ARHGEF7: variants seen among roughly 807,000 people sequenced by gnomAD.
The protein encoded by ARHGEF7 is PAK-interacting exchange factor beta.
Under a neutral mutation model 109.8 loss-of-function variants are expected in ARHGEF7, and 33 were observed. That is an observed-to-expected ratio of 0.30 (90% CI 0.23 to 0.40). ARHGEF7 has a LOEUF of 0.40. Ranked by LOEUF, ARHGEF7 falls within the 10% of genes least tolerant of loss-of-function variation. The probability of loss-of-function intolerance (pLI) is 1.00; values close to 1 mark genes in which losing one functional copy is unlikely to be tolerated. For missense variants in ARHGEF7, 938 were observed against 1,098.5 expected, an observed-to-expected ratio of 0.85 and a Z score of 2.07; for synonymous variants, 458 against 424.6, an observed-to-expected ratio of 1.08 and a Z score of -0.97.
intron 1 of ARHGEF7, among the ~76,000 whole-genome samples, chr13:111,121,824 G>A (rs896819610): frequency 6.6e-6 from 1 of 152,144 alleles, no homozygotes; most frequent in South Asian, 2.1e-4. Flanking sequence ...CTAACCTCTC[G>A]GAGTCCTAGT....
chr13:111,281,890 A>G (rs1483067598), intron 15 of ARHGEF7, among the ~76,000 whole-genome samples: 1 of 152,158 alleles, frequency 6.6e-6, no homozygotes, highest in Non-Finnish European at 1.5e-5. Context: ...CTTGTGTGGG[A>G]TGATGTATTC....
chr13:111,230,093 C>T (rs2085831327), intron 5 of ARHGEF7, among the ~76,000 whole-genome samples: 1 of 152,132 alleles, frequency 6.6e-6, no homozygotes, highest in African/African-American at 2.4e-5. Flanking sequence ...TTCCTCTTTG[C>T]TTTTGGCATG....
chr13:111,199,225 A>C (rs2080929800), intron 2 of ARHGEF7, among the ~76,000 whole-genome samples: 1 of 152,216 alleles, frequency 6.6e-6, no homozygotes, highest in Non-Finnish European at 1.5e-5. Flanking sequence ...GGGGGAGTGA[A>C]TGAAAGCAGC....
intron 5 of ARHGEF7, among the ~76,000 whole-genome samples, chr13:111,223,548 TG>T (rs1028163936): frequency 7.2e-5 from 11 of 152,354 alleles, no homozygotes; most frequent in African/African-American, 2.4e-4. Context: ...CCTGCTTCCC[TG>T]GGGAAGTGTA....
intron 2 of ARHGEF7, chr13:111,185,372 C>T (rs79925572): frequency 0.1 from 15,906 of 152,346 alleles, 1,135 homozygotes; most frequent in Middle Eastern, 0.16. Context: ...TTAGACTGCT[C>T]ATAGCCTTTC....
At chr13:111,215,934 G>T (rs2083077669) in intron 4 of ARHGEF7, among the ~76,000 whole-genome samples, 1 of 152,076 alleles carries the variant, frequency 6.6e-6, no homozygotes, top group South Asian at 2.1e-4. Context: ...TTTTGGAGAA[G>T]CACATTTTTA....
At chr13:111,199,196 G>T (rs2080924111) in intron 2 of ARHGEF7, among the ~76,000 whole-genome samples, 1 of 152,202 alleles carries the variant, frequency 6.6e-6, no homozygotes, top group Non-Finnish European at 1.5e-5. Context: ...GCTGGATGTA[G>T]ACTCCTCCTC....
At chr13:111,171,204 C>T (rs1361766535) in intron 2 of ARHGEF7, among the ~76,000 whole-genome samples, 1 of 152,156 alleles carries the variant, frequency 6.6e-6, no homozygotes, top group Non-Finnish European at 1.5e-5. Context: ...GAGGAAGGTA[C>T]GGTTTTTTCC....
At chr13:111,235,882 G>A (rs2086738221) in intron 6 of ARHGEF7, among the ~76,000 whole-genome samples, 1 of 152,208 alleles carries the variant, frequency 6.6e-6, no homozygotes, top group Non-Finnish European at 1.5e-5. Context: ...TTACTAAAGG[G>A]TAAGACTGGT....
rs1349921085 is a variant in ARHGEF7 at position 111,304,452 on chromosome 13, C to T, written c.*1339C>T. ...AAGTGAGATACACTTTTCCGTAGAACAAGTGTTCTATCTTTAAAAACCCAA... is the reference window on the plus strand; with the variant it reads ...AAGTGAGATACACTTTTCCGTAGAATAAGTGTTCTATCTTTAAAAACCCAA... On this transcript the variant is annotated 3_prime_UTR_variant, in exon 22 of 22. Transcript: ENST00000646102. 1 of 151,606 alleles carries T rather than the reference C, an allele frequency of 6.6e-6. No individual in the cohort carries two copies. The highest frequency in any genetic ancestry group is 2.0e-4 in the East Asian group (1 of 5,100). The allele number at this position is 151,606 out of a possible 1,614,324, so 9.4% of individuals were successfully genotyped here.
At chr13:111,276,101 A>C (rs1458739910) in intron 12 of ARHGEF7, 3 of 196,636 alleles carry the variant, frequency 1.5e-5, no homozygotes, top group African/African-American at 2.3e-5. Flanking sequence ...GCTAGCTGAC[A>C]TATGCTTACA....
intron 4 of ARHGEF7, among the ~76,000 whole-genome samples, chr13:111,217,156 G>C (rs1484705053): frequency 1.3e-5 from 2 of 152,132 alleles, no homozygotes; most frequent in East Asian, 3.8e-4. Context: ...TGTATAGCTG[G>C]TTTACAGGTA....
intron 2 of ARHGEF7, among the ~76,000 whole-genome samples, chr13:111,158,458 A>C (rs1037044124): frequency 6.6e-6 from 1 of 152,232 alleles, no homozygotes; most frequent in Non-Finnish European, 1.5e-5. Context: ...TATATTAATA[A>C]TTGATCTTTC....
At chr13:111,294,276 T>C (rs2093372347) in intron 19 of ARHGEF7, 2 of 985,370 alleles carry the variant, frequency 2.0e-6, no homozygotes, top group South Asian at 4.7e-5. Flanking sequence ...GGGAGCACTT[T>C]TTTGTTTGCC....
chr13:111,185,376 G>T (rs2079148483), intron 2 of ARHGEF7, among the ~76,000 whole-genome samples: 1 of 152,184 alleles, frequency 6.6e-6, no homozygotes, highest in African/African-American at 2.4e-5. Flanking sequence ...ACTGCTCATA[G>T]CCTTTCCCTT....
Position 111,272,770 on chromosome 13 carries a change from G to T in ARHGEF7, c.1074-1044G>T, listed in dbSNP as rs2092254213. On this transcript the variant is annotated intron_variant, in intron 9 of 21. Coordinates refer to ENST00000646102, the MANE Select transcript of ARHGEF7 (RefSeq NM_001354046.2). The surrounding 1 kb of genome is among the most constrained non-coding windows in gnomAD (Gnocchi z 5.2). ...TGGGCTGTACACTGTCAGATGTGTG[G>T]ACTGATGGCACATGCAATTTGAGGG... Among the ~76,000 whole-genome samples, 1 of 152,142 alleles carries T rather than the reference G, an allele frequency of 6.6e-6. No homozygotes were observed. Among genetic ancestry groups the T allele is most frequent in the Admixed American group, 6.5e-5 (1 of 15,280 alleles).
At chr13:111,116,868 T>G (rs2066825609) in intron 1 of ARHGEF7, among the ~76,000 whole-genome samples, 1 of 152,244 alleles carries the variant, frequency 6.6e-6, no homozygotes, top group African/African-American at 2.4e-5. Context: ...TTAGCTATTT[T>G]TCTTACTTGG....
At chr13:111,208,575 G>C (rs372550782) in intron 3 of ARHGEF7, among the ~76,000 whole-genome samples, 1 of 152,178 alleles carries the variant, frequency 6.6e-6, no homozygotes, top group African/African-American at 2.4e-5. Context: ...CCTTGTATGA[G>C]AATTTCCTGG....
chr13:111,155,020 T>TA (rs928709341), intron 2 of ARHGEF7, among the ~76,000 whole-genome samples: 3 of 151,890 alleles, frequency 2.0e-5, no homozygotes, highest in Admixed American at 2.0e-4. Context: ...AAAAAAACAA[T>TA]AAAAAACAAC....
Sources: allele counts gnomAD v4.1 joint callset (sites outside exome capture counted in the v4.1 genomes callset), GRCh38; gene constraint gnomAD v4.1.1; non-coding constraint Gnocchi (gnomAD v3.1); transcripts MANE v1.5; gene names NCBI Gene and HGNC (gene_info 2026-07-23, HGNC 2026-07-21).